ADAMTS3: variants seen among roughly 807,000 people sequenced by gnomAD.
The protein encoded by ADAMTS3 is ADAM metallopeptidase with thrombospondin type 1 motif 3.
In ADAMTS3, 73 loss-of-function variants were observed where a neutral mutation model predicts 129.0. The observed-to-expected ratio is 0.57, with a 90% CI of 0.47 to 0.69. The LOEUF (loss-of-function observed/expected upper bound fraction) is 0.69. ADAMTS3 is among the 30% of genes least tolerant of loss of function. The probability of loss-of-function intolerance (pLI) is 0.00; values close to 1 mark genes in which losing one functional copy is unlikely to be tolerated. For synonymous variants in ADAMTS3, 477 were observed against 510.8 expected, an observed-to-expected ratio of 0.93 and a Z score of 0.89; for missense variants, 1,457 against 1,514.5, an observed-to-expected ratio of 0.96 and a Z score of 0.63.
chr4:72,467,832 C>T (rs1718962298), intron 3 of ADAMTS3, among the ~76,000 whole-genome samples: 1 of 152,028 alleles, frequency 6.6e-6, no homozygotes, highest in South Asian at 2.1e-4. Context: ...CATAGATGGC[C>T]ATCCTTGAAG....
At chr4:72,563,986 C>G (rs1161344073) in intron 2 of ADAMTS3, among the ~76,000 whole-genome samples, 1 of 152,064 alleles carries the variant, frequency 6.6e-6, no homozygotes. Context: ...AAACTGAAAC[C>G]TGAAAATGGT....
chr4:72,555,556 C>T (rs1470352006), intron 2 of ADAMTS3, among the ~76,000 whole-genome samples: 3 of 151,828 alleles, frequency 2.0e-5, no homozygotes, highest in Admixed American at 6.6e-5. Flanking sequence ...AAAACTCATG[C>T]AATGTCTGTA....
intron 4 of ADAMTS3, among the ~76,000 whole-genome samples, chr4:72,405,564 T>A (rs561586131): frequency 4.1e-4 from 62 of 152,290 alleles, no homozygotes; most frequent in Non-Finnish European, 6.9e-4. Flanking sequence ...ACAAACTTTT[T>A]AAATTTGTTT....
rs1720590857 is a variant in ADAMTS3, at chr4:72,356,711, C to A, written c.662-17018G>T. 2.0e-5 allele frequency among the ~76,000 whole-genome samples: 3 copies of A among 151,274 alleles called. 1 individual carries two copies. The highest frequency in any genetic ancestry group is 4.2e-4 in the South Asian group (2 of 4,810). On this transcript the variant is annotated intron_variant, in intron 4 of 21. Transcript: ENST00000286657. ...TTAAGCAAGTCATTGAATACAAAAC[C>A]AATACACAAAATTACTTGCATTTTT...
intron 4 of ADAMTS3, among the ~76,000 whole-genome samples, chr4:72,344,434 T>A (rs1720225325): frequency 6.6e-6 from 1 of 152,100 alleles, no homozygotes; most frequent in African/African-American, 2.4e-5. Context: ...GGAATGCAAT[T>A]ATAAGCATAC....
At chr4:72,353,313 G>C (rs555401025) in intron 4 of ADAMTS3, among the ~76,000 whole-genome samples, 1 of 152,098 alleles carries the variant, frequency 6.6e-6, no homozygotes, top group South Asian at 2.1e-4. Context: ...CAATGTGCTT[G>C]TAGTTAGAAT....
chr4:72,548,346 T>C, intron 3 of ADAMTS3, 132 bp downstream of exon 3: 1 of 921,644 alleles, frequency 1.1e-6, no homozygotes, highest in Non-Finnish European at 1.6e-6. Context: ...TGCTTTCTAG[T>C]GTCTTTTTCT....
At chr4:72,485,457 G>A (rs572039852) in intron 3 of ADAMTS3, among the ~76,000 whole-genome samples, 5 of 151,972 alleles carry the variant, frequency 3.3e-5, no homozygotes, top group Admixed American at 3.3e-4. Context: ...TTTTAGCTAC[G>A]TTTCCTGCAT....
intron 3 of ADAMTS3, among the ~76,000 whole-genome samples, chr4:72,426,501 A>C (rs1321079991): frequency 1.3e-5 from 2 of 152,136 alleles, no homozygotes; most frequent in African/African-American, 4.8e-5. Context: ...GGCAGAAGAC[A>C]TATCTGAACC....
At chr4:72,420,248 G>A (rs775963921) in intron 3 of ADAMTS3, among the ~76,000 whole-genome samples, 1 of 151,928 alleles carries the variant, frequency 6.6e-6, no homozygotes, top group Non-Finnish European at 1.5e-5. Context: ...CCACCTCTCC[G>A]GCCTCATCTG....
chr4:72,548,354 T>C, intron 3 of ADAMTS3, 124 bp downstream of exon 3: 2 of 1,053,536 alleles, frequency 1.9e-6, no homozygotes, highest in Non-Finnish European at 2.7e-6. Context: ...AGTGTCTTTT[T>C]CTGAACTTAA....
intron 5 of ADAMTS3, among the ~76,000 whole-genome samples, chr4:72,324,608 G>T (rs1719653873): frequency 6.6e-6 from 1 of 152,026 alleles, no homozygotes; most frequent in African/African-American, 2.4e-5. Flanking sequence ...CACATACATA[G>T]AATGGTAAGA....
intron 3 of ADAMTS3, among the ~76,000 whole-genome samples, chr4:72,427,766 T>C (rs1040935425): frequency 2.8e-4 from 42 of 152,074 alleles, no homozygotes; most frequent in Admixed American, 2.2e-3. Flanking sequence ...GGACATGAAC[T>C]TCTGAGGAGT....
intron 5 of ADAMTS3, among the ~76,000 whole-genome samples, chr4:72,337,970 C>T (rs879330170): frequency 5.3e-5 from 8 of 151,936 alleles, no homozygotes; most frequent in Non-Finnish European, 1.2e-4. Context: ...AAAAAAGTAG[C>T]CCAGGGACAT....
chr4:72,485,021 G>T (rs942239049), intron 3 of ADAMTS3, among the ~76,000 whole-genome samples: 2 of 151,960 alleles, frequency 1.3e-5, no homozygotes, highest in South Asian at 4.3e-4. Context: ...AAGATGAAAT[G>T]GGTTGTAAAA....
intron 19 of ADAMTS3, among the ~76,000 whole-genome samples, chr4:72,292,483 C>A (rs774599499): frequency 3.9e-5 from 6 of 152,196 alleles, no homozygotes; most frequent in African/African-American, 1.4e-4. Flanking sequence ...AAACTGTTCA[C>A]ACAAATGCAC....
At chr4:72,426,651 C>T (rs1194235299) in intron 3 of ADAMTS3, among the ~76,000 whole-genome samples, 3 of 152,082 alleles carry the variant, frequency 2.0e-5, no homozygotes, top group Non-Finnish European at 4.4e-5. Context: ...CAGTGAGAGA[C>T]CAAGGATGGT....
At chr4:72,389,623 C>T (rs748742585) in intron 4 of ADAMTS3, among the ~76,000 whole-genome samples, 27 of 151,868 alleles carry the variant, frequency 1.8e-4, no homozygotes, top group East Asian at 3.9e-4. Context: ...GAAACAGCTG[C>T]GAAGCAACTC....
chr4:72,568,983 C>G lies in ADAMTS3; in HGVS notation c.-221G>C, dbSNP rs1019200970. On this transcript the variant is annotated 5_prime_UTR_variant, in exon 1 of 22. Transcript: ENST00000286657. ...TTTTTTCCACTTCACCTTCTCACCC[C>G]GTCCTCCCAACACAGAGTGTGCAGG... 25 of 595,350 alleles carry G rather than the reference C, an allele frequency of 4.2e-5. No homozygotes were observed. The East Asian group carries it at 6.3e-4, about 15-fold the overall frequency. The allele number at this position is 595,350 out of a possible 1,614,324, so 36.9% of individuals were successfully genotyped here.
Sources: gnomAD v4.1 joint callset for allele counts (sites outside exome capture counted in the v4.1 genomes callset) on GRCh38, gnomAD v4.1.1 for gene constraint, MANE v1.5 for transcripts, NCBI Gene and HGNC (gene_info 2026-07-23, HGNC 2026-07-21) for gene names.